The following PDZRN3 variants were observed in gnomAD, a reference collection of about 807,000 sequenced individuals.
PDZRN3 encodes E3 ubiquitin-protein ligase PDZRN3.
PDZRN3 carries 38 observed loss-of-function variants against 85.7 expected under a neutral mutation model. That is an observed-to-expected ratio of 0.44 (90% CI 0.34 to 0.58). PDZRN3 has a LOEUF of 0.58. PDZRN3 is among the 20% of genes least tolerant of loss of function. PDZRN3 has a pLI of 0.01. For synonymous variants in PDZRN3, 759 were observed against 638.0 expected (o/e 1.19, Z -2.86); for missense variants, 1,629 against 1,506.4 (o/e 1.08, Z -1.35).
intron 3 of PDZRN3, among the ~76,000 whole-genome samples, chr3:73,508,787 T>G (rs2106701815): frequency 6.6e-6 from 1 of 152,286 alleles, no homozygotes; most frequent in Non-Finnish European, 1.5e-5. Flanking sequence ...GCACACAAAA[T>G]TGATACATTG....
chr3:73,605,957 C>T (rs962053006), intron 2 of PDZRN3, among the ~76,000 whole-genome samples: 5 of 152,236 alleles, frequency 3.3e-5, no homozygotes, highest in Non-Finnish European at 7.3e-5. Flanking sequence ...CTTAGACATG[C>T]TCTTTGATAA....
At position 73,561,913 on chromosome 3, in the gene PDZRN3, A is replaced by ATTT. The variant is rs769545083; in HGVS notation, c.918+40438_918+40440dup. On this transcript the variant is annotated intron_variant, in intron 3 of 9. Transcript: ENST00000263666. The stretch of plus-strand genomic sequence containing the variant: ...TTAACATCACAGAGAAACCCAAGTC[A>ATTT]TTTTTTTTTTTTTTTTGCTGGAAAA... Among the ~76,000 whole-genome samples the ATTT allele has an allele frequency of 2.2e-5, 3 of 136,678 alleles. No homozygotes were observed. In the East Asian group the frequency reaches 6.5e-4, roughly 29 times the overall value. 89.7% of individuals were successfully genotyped at this position (136,678 alleles called of 152,430 possible).
At chr3:73,541,298 G>A (rs1704915998) in intron 3 of PDZRN3, among the ~76,000 whole-genome samples, 1 of 152,080 alleles carries the variant, frequency 6.6e-6, no homozygotes, top group Non-Finnish European at 1.5e-5. Flanking sequence ...AGACTATGAA[G>A]AAAATATAAT....
chr3:73,568,375 C>T (rs1165796679), intron 3 of PDZRN3, among the ~76,000 whole-genome samples: 2 of 152,066 alleles, frequency 1.3e-5, no homozygotes, highest in African/African-American at 2.4e-5. Flanking sequence ...CAGAAATAGA[C>T]ACTCATTGCT....
rs140816658 is a variant in PDZRN3, at chr3:73,608,636, A to T, written c.772T>A (p.Ser258Thr). Residue 258 changes from serine (S) to threonine (T), a missense_variant, in exon 2 of 10, where the codon TCC (serine) becomes ACC (threonine). Coordinates refer to ENST00000263666, the MANE Select transcript of PDZRN3 (RefSeq NM_015009.3). ...LTLVLHRDSG[S>T]LGFNIIGGRP... is the part of the protein sequence containing the mutation. Reference sequence around the variant, plus strand: ...CCACCAATAATATTGAATCCCAGGGAGCCGGAGTCCCGATGCAGGACAAGA... The same window carrying T: ...CCACCAATAATATTGAATCCCAGGGTGCCGGAGTCCCGATGCAGGACAAGA... 1.3e-5 allele frequency: 21 copies of T among 1,613,116 alleles called. No individual in the cohort carries two copies. In the African/African-American group the frequency reaches 2.4e-4, roughly 18 times the overall value.
chr3:73,395,821 G>A (rs951895419), intron 5 of PDZRN3, among the ~76,000 whole-genome samples: 3 of 152,196 alleles, frequency 2.0e-5, no homozygotes, highest in Non-Finnish European at 4.4e-5. Context: ...TTTCCTGGGT[G>A]CCTACTATAT....
chr3:73,569,749 G>C (rs1224204166), intron 3 of PDZRN3, among the ~76,000 whole-genome samples: 2 of 152,208 alleles, frequency 1.3e-5, no homozygotes, highest in African/African-American at 2.4e-5. Context: ...CGCTGGGCTG[G>C]ACTAGGGCTG....
Position 73,624,498 on chromosome 3 carries a change from CG to C in PDZRN3, c.327del (p.Ala110ArgfsTer41). ...CCGCAACCCGCGTGGCGACAGCGCGCGGGCGCGAAGTCGCAGCGCTCGAGGT... is the reference window on the plus strand; with the variant it reads ...CCGCAACCCGCGTGGCGACAGCGCGCGGCGCGAAGTCGCAGCGCTCGAGGT... ...PEHLERCDFAPARCRHAGCGQ... is the reference protein window; with the variant it reads ...PEHLERCDFAXARCRHAGCGQ... On this transcript the variant is annotated frameshift_variant, in exon 1 of 10. Transcript: ENST00000263666. LOFTEE classifies it high-confidence loss of function. The C allele has an allele frequency of 7.0e-7, 1 of 1,424,350 alleles. No individual in the cohort carries two copies. 88.2% of individuals were successfully genotyped at this position (1,424,350 alleles called of 1,614,324 possible).
At chr3:73,418,954 C>T (rs1364196645) in intron 3 of PDZRN3, among the ~76,000 whole-genome samples, 2 of 152,052 alleles carry the variant, frequency 1.3e-5, no homozygotes, top group African/African-American at 4.8e-5. Flanking sequence ...TCTTTGTTGT[C>T]GAATTGTTAG....
At chr3:73,612,410 CAATT>C (rs1281630751) in intron 1 of PDZRN3, among the ~76,000 whole-genome samples, 1 of 152,212 alleles carries the variant, frequency 6.6e-6, no homozygotes, top group African/African-American at 2.4e-5. Context: ...AAGGATCAGA[CAATT>C]AATTCATCTG....
intron 3 of PDZRN3, among the ~76,000 whole-genome samples, chr3:73,408,661 A>G (rs1701904353): frequency 6.6e-6 from 1 of 152,058 alleles, no homozygotes; most frequent in Non-Finnish European, 1.5e-5. Context: ...AAGGTATTTT[A>G]GGGATCATTA....
At chr3:73,521,184 G>A (rs1048655967) in intron 3 of PDZRN3, among the ~76,000 whole-genome samples, 3 of 152,136 alleles carry the variant, frequency 2.0e-5, no homozygotes, top group Admixed American at 6.5e-5. Context: ...CGGTGGACTC[G>A]TTAAACGGGT....
In PDZRN3 at chr3:73,454,663, G is replaced by A. The variant is rs147634644; in HGVS notation, c.919-50268C>T. Among the ~76,000 whole-genome samples, 554 of 152,272 alleles carry A rather than the reference G, an allele frequency of 3.6e-3. 18 individuals are homozygous for A. Among genetic ancestry groups the A allele is most frequent in the Admixed American group, 0.033 (502 of 15,286 alleles). On this transcript the variant is annotated intron_variant, in intron 3 of 9. Transcript: ENST00000263666. Reference sequence around the variant, plus strand: ...AGAGTGACAGGACCAAGGAGGCCAAGAATAATATTGACCATTAATCCACAT... The same window carrying A: ...AGAGTGACAGGACCAAGGAGGCCAAAAATAATATTGACCATTAATCCACAT...
chr3:73,523,331 G>C (rs1355065861), intron 3 of PDZRN3, among the ~76,000 whole-genome samples: 2 of 152,092 alleles, frequency 1.3e-5, no homozygotes, highest in Middle Eastern at 3.4e-3. Context: ...GGGGCCAAAA[G>C]GAAGAGATAT....
chr3:73,597,852 G>A (rs1294453072), intron 3 of PDZRN3, among the ~76,000 whole-genome samples: 1 of 151,836 alleles, frequency 6.6e-6, no homozygotes, highest in Non-Finnish European at 1.5e-5. Context: ...TTTTCTCAGT[G>A]TGAGCATTTT....
intron 1 of PDZRN3, chr3:73,623,463 G>A (rs2106924322): frequency 6.6e-6 from 1 of 152,330 alleles, no homozygotes; most frequent in East Asian, 1.9e-4. Flanking sequence ...TGTATACCAC[G>A]TCTCTAGGGA....
chr3:73,513,299 T>A (rs1262766556), intron 3 of PDZRN3, among the ~76,000 whole-genome samples: 4 of 152,220 alleles, frequency 2.6e-5, no homozygotes, highest in Non-Finnish European at 4.4e-5. Context: ...GACCATAAAC[T>A]TCTTACTCTG....
At chr3:73,565,342 C>T (rs1261280218) in intron 3 of PDZRN3, among the ~76,000 whole-genome samples, 2 of 151,816 alleles carry the variant, frequency 1.3e-5, no homozygotes, top group African/African-American at 4.8e-5. Flanking sequence ...TTTGGCCAGG[C>T]TGGTACTGAA....
At chr3:73,452,468 T>C (rs1702882538) in intron 3 of PDZRN3, among the ~76,000 whole-genome samples, 1 of 152,158 alleles carries the variant, frequency 6.6e-6, no homozygotes, top group African/African-American at 2.4e-5. Context: ...CAAAGGTAAT[T>C]CCATTTAAAT....
Sources: gnomAD v4.1 joint callset for allele counts (sites outside exome capture counted in the v4.1 genomes callset) on GRCh38, gnomAD v4.1.1 for gene constraint, MANE v1.5 for transcripts, NCBI Gene and HGNC (gene_info 2026-07-23, HGNC 2026-07-21) for gene names.